The following NCKAP5 variants were observed in gnomAD, a reference collection of about 807,000 sequenced individuals.
NCKAP5 encodes nck-associated protein 5.
NCKAP5 carries 92 observed loss-of-function variants against 167.0 expected under a neutral mutation model. The observed-to-expected ratio is 0.55, with a 90% CI of 0.47 to 0.66. The LOEUF (loss-of-function observed/expected upper bound fraction) is 0.66. Among genes scored for constraint, NCKAP5 ranks in the 30% least tolerant of loss-of-function variants. NCKAP5 has a pLI of 0.00. For missense variants in NCKAP5, 2,378 were observed against 2,315.0 expected (o/e 1.03, Z -0.56); for synonymous variants, 891 against 877.4 (o/e 1.02, Z -0.27).
At chr2:133,349,374 A>G (rs568151451) in intron 3 of NCKAP5, among the ~76,000 whole-genome samples, 1 of 152,294 alleles carries the variant, frequency 6.6e-6, no homozygotes, top group East Asian at 1.9e-4. Context: ...ACAGCAGCAC[A>G]CACCTGGTTC....
chr2:133,236,503 T>C (rs1359622052), intron 4 of NCKAP5, among the ~76,000 whole-genome samples: 1 of 152,196 alleles, frequency 6.6e-6, no homozygotes, highest in African/African-American at 2.4e-5. Context: ...AAAAGGACTG[T>C]TCTCTTAGGT....
At chr2:133,068,226 C>T (rs751978712) in intron 6 of NCKAP5, among the ~76,000 whole-genome samples, 3 of 152,154 alleles carry the variant, frequency 2.0e-5, no homozygotes, top group Non-Finnish European at 4.4e-5. Flanking sequence ...TTTGTGGGCA[C>T]ACAAGTGTCC....
chr2:133,628,671 C>T, the NCKAP5 span, among the ~76,000 whole-genome samples: 700 of 152,172 alleles, frequency 4.6e-3, 3 homozygotes, highest in African/African-American at 0.016. Flanking sequence ...AAAAAGAGCC[C>T]GTATAGCCAA....
intron 3 of NCKAP5, among the ~76,000 whole-genome samples, chr2:133,349,121 A>T (rs1284145280): frequency 6.6e-6 from 1 of 152,162 alleles, no homozygotes; most frequent in Non-Finnish European, 1.5e-5. Flanking sequence ...TTCTCTGCCC[A>T]CAAAAAGAGG....
intron 3 of NCKAP5, among the ~76,000 whole-genome samples, chr2:133,343,085 C>T (rs1448210997): frequency 6.6e-6 from 1 of 152,202 alleles, no homozygotes; most frequent in Admixed American, 6.5e-5. Context: ...CAAGGCAATG[C>T]ATCACAGATT....
At chr2:133,006,471 T>C (rs2149347873) in intron 6 of NCKAP5, among the ~76,000 whole-genome samples, 1 of 152,312 alleles carries the variant, frequency 6.6e-6, no homozygotes, top group South Asian at 2.1e-4. Context: ...ACAGGCCACA[T>C]GCTGTCTGTC....
At chr2:132,934,193 T>C (rs1269902271) in intron 8 of NCKAP5, among the ~76,000 whole-genome samples, 1 of 152,104 alleles carries the variant, frequency 6.6e-6, no homozygotes, top group Non-Finnish European at 1.5e-5. Flanking sequence ...TAAGAGAAAA[T>C]AGATACGTGT....
intron 3 of NCKAP5, among the ~76,000 whole-genome samples, chr2:133,360,177 G>A (rs1371247077): frequency 6.6e-6 from 1 of 152,192 alleles, no homozygotes; most frequent in Non-Finnish European, 1.5e-5. Flanking sequence ...TTTTTAGAGA[G>A]AAACATTCCC....
intron 16 of NCKAP5, among the ~76,000 whole-genome samples, chr2:132,763,435 T>C (rs1167214664): frequency 6.6e-6 from 1 of 152,218 alleles, no homozygotes; most frequent in Non-Finnish European, 1.5e-5. Context: ...TTTCCTTTTC[T>C]GATGAGATTC....
chr2:133,091,833 G>A (rs1337111300), intron 6 of NCKAP5, among the ~76,000 whole-genome samples: 1 of 151,884 alleles, frequency 6.6e-6, no homozygotes, highest in Non-Finnish European at 1.5e-5. Flanking sequence ...CTTGCAGTGA[G>A]CCGAGATCCC....
chr2:133,492,170 T>TGTGTGTGTGTGTGTGTGTGTGTGTGTGTG (rs1559524824), intron 3 of NCKAP5, among the ~76,000 whole-genome samples: 27 of 151,466 alleles, frequency 1.8e-4, no homozygotes, highest in African/African-American at 5.6e-4. Context: ...TGTGTGTGTG[T>TGTGTGTGTGTGTGTGTGTGTGTGTGTGTG]TAAGGTCTAT....
At chr2:133,646,359 T>C in the NCKAP5 span, among the ~76,000 whole-genome samples, 5 of 152,080 alleles carry the variant, frequency 3.3e-5, no homozygotes, top group Non-Finnish European at 7.4e-5. Flanking sequence ...ACTTGTCACA[T>C]ACAAGGGAAA....
chr2:132,954,821 C>A, intron 8 of NCKAP5: 1 of 390,622 alleles, frequency 2.6e-6, no homozygotes, highest in Non-Finnish European at 5.1e-6. Flanking sequence ...TGACTATTTA[C>A]TACTTTTATA....
At chr2:133,111,119 G>A (rs911114072) in intron 6 of NCKAP5, among the ~76,000 whole-genome samples, 15 of 152,060 alleles carry the variant, frequency 9.9e-5, no homozygotes, top group African/African-American at 3.6e-4. Context: ...GTTAGGGGTC[G>A]AAAATTCGAA....
chr2:133,270,431 C>G (rs1160345875), intron 4 of NCKAP5, among the ~76,000 whole-genome samples: 2 of 152,116 alleles, frequency 1.3e-5, no homozygotes, highest in African/African-American at 4.8e-5. Flanking sequence ...ATTGAAATAA[C>G]TGATGTAAAT....
At chr2:132,932,082 A>G (rs1456256697) in intron 8 of NCKAP5, among the ~76,000 whole-genome samples, 4 of 152,218 alleles carry the variant, frequency 2.6e-5, no homozygotes, top group African/African-American at 9.7e-5. Flanking sequence ...CCTCACTGGT[A>G]ATCACCTATT....
intron 6 of NCKAP5, among the ~76,000 whole-genome samples, chr2:133,039,290 T>G (rs1005872632): frequency 6.6e-6 from 1 of 152,216 alleles, no homozygotes; most frequent in African/African-American, 2.4e-5. Flanking sequence ...GATAATCTAT[T>G]ACAAACTTCA....
intron 8 of NCKAP5, among the ~76,000 whole-genome samples, chr2:132,889,429 G>A (rs13427131): frequency 0.31 from 46,797 of 151,544 alleles, 7,453 homozygotes; most frequent in Non-Finnish European, 0.36. Context: ...GAGCTATGCT[G>A]GGGGAAAATA....
At chr2:133,673,684 A>G in the NCKAP5 span, among the ~76,000 whole-genome samples, 1 of 152,158 alleles carries the variant, frequency 6.6e-6, no homozygotes, top group Non-Finnish European at 1.5e-5. Context: ...TGGGCCTACC[A>G]CCGTTTATCT....
Sources: allele counts gnomAD v4.1 joint callset (sites outside exome capture counted in the v4.1 genomes callset), GRCh38; gene constraint gnomAD v4.1.1; transcripts MANE v1.5; gene names NCBI Gene and HGNC (gene_info 2026-07-23, HGNC 2026-07-21).